The following PCDHA1 variants were observed in gnomAD, a reference collection of about 807,000 sequenced individuals.
PCDHA1 encodes the protein protocadherin alpha 1.
PCDHA1 carries 42 observed loss-of-function variants against 61.3 expected under a neutral mutation model. The ratio of observed to expected loss-of-function variants is 0.69; its 90% CI spans 0.54 to 0.89. PCDHA1 has a LOEUF of 0.89. PCDHA1 is among the 40% of genes least tolerant of loss of function. The pLI, the probability that PCDHA1 is intolerant of heterozygous loss-of-function variation, is 0.00. For missense variants in PCDHA1, 1,256 were observed against 1,235.3 expected (o/e 1.02, Z -0.25); for synonymous variants, 610 against 553.8 (o/e 1.10, Z -1.43).
At chr5:140,817,338 C>T (rs1289238109) in intron 1 of PCDHA1, 1 of 152,250 alleles carries the variant, frequency 6.6e-6, no homozygotes, top group Non-Finnish European at 1.5e-5. Flanking sequence ...TTTACACTTG[C>T]TTGGAGCCCA....
chr5:140,795,142 G>T, intron 1 of PCDHA1: 1 of 1,614,046 alleles, frequency 6.2e-7, no homozygotes, highest in East Asian at 2.2e-5. Context: ...GGAGGAGCTG[G>T]TGCCGCGCCT....
intron 1 of PCDHA1, chr5:140,870,941 C>CGGCG (rs782621545): frequency 1.2e-6 from 2 of 1,613,594 alleles, no homozygotes; most frequent in Non-Finnish European, 1.7e-6. Context: ...TTGCAGCCGG[C>CGGCG]GGCGGGCGGC....
intron 1 of PCDHA1, chr5:140,835,346 G>A (rs1773586509): frequency 6.2e-7 from 1 of 1,613,652 alleles, no homozygotes; most frequent in African/African-American, 1.3e-5. Flanking sequence ...TCCCAGTCGA[G>A]GCTGTCGATA....
At chr5:140,823,752 A>G (rs1767861225) in intron 1 of PCDHA1, 4 of 1,613,706 alleles carry the variant, frequency 2.5e-6, no homozygotes. Context: ...CCCCGCTGAC[A>G]GCCACAGCCA....
At position 140,788,150 on chromosome 5, in the gene PCDHA1, C is replaced by G; in HGVS notation, c.1860C>G (p.Ile620Met). The change falls in exon 1 of 4, where the codon ATC becomes ATG. Residue 620 changes from isoleucine to methionine, a missense_variant. Ile to Met is a conservative substitution (Grantham distance 10). Transcript: ENST00000504120. ...AGCCGGCAGCAGGCGGCGCGCGCAT[C>G]CCGTTCCGCGTGGGGCTGTACACGG... ...ELQPAAGGAR[I>M]PFRVGLYTGE... 6.2e-7 allele frequency: 1 copy of G among 1,614,018 alleles called. No individual in the cohort carries two copies. Among genetic ancestry groups the G allele is most frequent in the Non-Finnish European group, 8.5e-7 (1 of 1,179,928 alleles).
intron 1 of PCDHA1, chr5:140,876,574 G>A (rs1554168680): frequency 1.9e-6 from 3 of 1,614,158 alleles, no homozygotes; most frequent in Non-Finnish European, 2.5e-6. Flanking sequence ...GGTGGGTACC[G>A]TCATTGCCCT....
intron 1 of PCDHA1, chr5:140,796,692 A>G: frequency 2.5e-6 from 4 of 1,613,934 alleles, no homozygotes; most frequent in Non-Finnish European, 3.4e-6. Flanking sequence ...CTGCTGGCGC[A>G]GTGAGTGAGC....
intron 1 of PCDHA1, 106 bp downstream of exon 1, chr5:140,788,790 C>T: frequency 7.0e-7 from 1 of 1,435,418 alleles, no homozygotes; most frequent in Non-Finnish European, 9.2e-7. Flanking sequence ...TGTTCACTAA[C>T]GTTGAAATAA....
At chr5:140,835,869 G>C (rs781933371) in intron 1 of PCDHA1, 2 of 1,612,094 alleles carry the variant, frequency 1.2e-6, no homozygotes, top group Non-Finnish European at 8.5e-7. Context: ...CTCGCTGGTG[G>C]AGCTGCGGGT....
chr5:140,995,434 A>G (rs146744164), intron 3 of PCDHA1, among the ~76,000 whole-genome samples: 4 of 152,320 alleles, frequency 2.6e-5, no homozygotes, highest in African/African-American at 7.2e-5. Context: ...ACAGCTTGCA[A>G]TTTAAAACTT....
chr5:140,821,251 C>G (rs1766928328), intron 1 of PCDHA1, among the ~76,000 whole-genome samples: 1 of 152,094 alleles, frequency 6.6e-6, no homozygotes, highest in Admixed American at 6.5e-5. Flanking sequence ...AACTTTAACT[C>G]TTAAAAGTTA....
chr5:140,966,486 C>G (rs1563351032), intron 1 of PCDHA1: 1 of 432,846 alleles, frequency 2.3e-6, no homozygotes. Context: ...CTTTTCCCTC[C>G]CCCTGGAGCT....
intron 1 of PCDHA1, chr5:140,928,272 TG>T (rs781906023): frequency 6.2e-7 from 1 of 1,614,156 alleles, no homozygotes; most frequent in Non-Finnish European, 8.5e-7. Context: ...ACAATGGCCC[TG>T]GGGCCTCTCT....
intron 3 of PCDHA1, among the ~76,000 whole-genome samples, chr5:141,008,970 G>A (rs147776833): frequency 6.6e-6 from 1 of 152,236 alleles, no homozygotes; most frequent in East Asian, 1.9e-4. Flanking sequence ...TACATTTATA[G>A]CCAAAGTTTA....
intron 1 of PCDHA1, among the ~76,000 whole-genome samples, chr5:140,888,588 C>G (rs1419931317): frequency 6.6e-6 from 1 of 152,212 alleles, no homozygotes; most frequent in Non-Finnish European, 1.5e-5. Flanking sequence ...TGTTAGTACA[C>G]ATTCAGAGCA....
At chr5:140,833,483 A>G (rs1195762911) in intron 1 of PCDHA1, among the ~76,000 whole-genome samples, 2 of 152,204 alleles carry the variant, frequency 1.3e-5, no homozygotes, top group Non-Finnish European at 2.9e-5. Flanking sequence ...AAATAATACA[A>G]ATCATATTTG....
intron 3 of PCDHA1, among the ~76,000 whole-genome samples, chr5:140,990,272 C>A (rs568200508): frequency 6.6e-6 from 1 of 152,196 alleles, no homozygotes; most frequent in African/African-American, 2.4e-5. Flanking sequence ...CAATGTACCC[C>A]GGGTCTTGAG....
At position 140,838,077 on chromosome 5, in the gene PCDHA1, A is replaced by AGTGT. The variant is rs57130401; in HGVS notation, c.2394+49444_2394+49447dup. On this transcript the variant is annotated intron_variant, in intron 1 of 3. Transcript: ENST00000504120. ...TTTCCACTTTAAGTTATATATATAT[A>AGTGT]GTGTGTGTGTGTGTGTGTGTGTGTG... is the stretch of plus-strand genomic sequence containing the variant. Among the ~76,000 whole-genome samples, 532 of 80,648 alleles carry AGTGT rather than the reference A, an allele frequency of 6.6e-3. 5 individuals are homozygous for AGTGT. Among genetic ancestry groups the AGTGT allele is most frequent in the South Asian group, 0.011 (25 of 2,340 alleles). The allele number at this position is 80,648 out of a possible 152,430, so 52.9% of individuals were successfully genotyped here.
intron 1 of PCDHA1, chr5:140,837,027 GTATTTACAAAATCAAA>G (rs1484122641): frequency 1.7e-5 from 4 of 237,742 alleles, no homozygotes; most frequent in African/African-American, 9.1e-5. Context: ...CTTCTATAGT[GTATTTACAAAATCAAA>G]TATTTACATT....
Sources: gnomAD v4.1 joint callset for allele counts (sites outside exome capture counted in the v4.1 genomes callset) on GRCh38, gnomAD v4.1.1 for gene constraint, MANE v1.5 for transcripts, NCBI Gene and HGNC (gene_info 2026-07-23, HGNC 2026-07-21) for gene names.